Variants in ZC3H13 observed in about 807,000 individuals in gnomAD.
The protein encoded by ZC3H13 is zinc finger CCCH-type containing 13.
Under a neutral mutation model 204.1 loss-of-function variants are expected in ZC3H13, and 64 were observed. That is an observed-to-expected ratio of 0.31 (90% CI 0.26 to 0.39). ZC3H13 has a LOEUF of 0.39. Among genes scored for constraint, ZC3H13 ranks in the 10% least tolerant of loss-of-function variants. The pLI is 1.00. For synonymous variants in ZC3H13, 667 were observed against 693.7 expected (o/e 0.96, Z 0.60); for missense variants, 1,833 against 2,082.7 (o/e 0.88, Z 2.33).
chr13:45,963,739 T>G (rs923454204), intron 17 of ZC3H13, 103 bp downstream of exon 17: 2 of 1,519,916 alleles, frequency 1.3e-6, no homozygotes, highest in African/African-American at 2.8e-5. Flanking sequence ...AAAAATAGTT[T>G]CTACACAGTG....
intron 8 of ZC3H13, among the ~76,000 whole-genome samples, chr13:45,993,396 C>A (rs1593579085): frequency 6.6e-6 from 1 of 152,042 alleles, no homozygotes; most frequent in Non-Finnish European, 1.5e-5. Flanking sequence ...TATATTTGAG[C>A]CAAGTGCTGA....
chr13:45,979,960 T>C lies in ZC3H13; in HGVS notation c.1765A>G (p.Asn589Asp). 1 of 1,611,242 alleles carries C rather than the reference T, an allele frequency of 6.2e-7. No homozygotes were observed. The highest frequency in any genetic ancestry group is 8.5e-7 in the Non-Finnish European group (1 of 1,178,810). ...RGSQIDSHSS[N>D]SNYHDSWETR... ...TCCCAGCTGTCATGATAGTTGCTAT[T>C]ACTACTGTGACTATCAATTTGAGAA... Residue 589 changes from asparagine (N) to aspartate (D), a missense_variant, in exon 11 of 19, where the codon AAT becomes GAT. Transcript: ENST00000679008.
intron 1 of ZC3H13, among the ~76,000 whole-genome samples, chr13:46,047,298 A>G (rs1457825585): frequency 6.6e-6 from 1 of 152,194 alleles, no homozygotes; most frequent in Non-Finnish European, 1.5e-5. Context: ...ATAAAATGTA[A>G]TAATTCTTTT....
Position 46,052,651 on chromosome 13 carries a change from A to G in ZC3H13, c.-257T>C, listed in dbSNP as rs2044568943. ...AAGCGAAACTGGGTCGCAGGAAGAA[A>G]AATAACGAAGAGATTGTAGATTAAG... is the stretch of plus-strand genomic sequence containing the variant. On this transcript the variant is annotated 5_prime_UTR_variant, in exon 1 of 19. Transcript: ENST00000679008. 1 of 398,784 alleles carries G rather than the reference A, an allele frequency of 2.5e-6. No homozygotes were observed. Among genetic ancestry groups the G allele is most frequent in the East Asian group, 3.6e-5 (1 of 28,070 alleles). The allele number at this position is 398,784 out of a possible 1,614,324, so 24.7% of individuals were successfully genotyped here.
chr13:46,010,493 C>G lies in ZC3H13; in HGVS notation c.601G>C (p.Val201Leu). ...IIIKKEVSPE[V>L]VRSKLSPSPS... ...GACGGGGACAATTTTGATCTAACCA[C>G]TTCTGGTGAAACCTTTAAAAAAATT... The change falls in exon 7 of 19, where the codon GTG becomes CTG. Residue 201 changes from valine to leucine, a missense_variant. Coordinates refer to ENST00000679008, the MANE Select transcript of ZC3H13 (RefSeq NM_001330564.2). 5 of 1,610,980 alleles carry G rather than the reference C, an allele frequency of 3.1e-6. No homozygotes were observed. The highest frequency in any genetic ancestry group is 4.2e-6 in the Non-Finnish European group (5 of 1,177,652).
chr13:46,046,155 G>T (rs538352379), intron 1 of ZC3H13, among the ~76,000 whole-genome samples: 9 of 152,170 alleles, frequency 5.9e-5, no homozygotes, highest in Non-Finnish European at 1.2e-4. Context: ...AATGTTGATA[G>T]AAACAACTTT....
chr13:45,959,515 C>A lies in ZC3H13; in HGVS notation c.4807G>T (p.Ala1603Ser). The A allele has an allele frequency of 6.5e-7, 1 of 1,542,800 alleles. No homozygotes were observed. The highest frequency in any genetic ancestry group is 8.7e-7 in the Non-Finnish European group (1 of 1,144,096). ...TTTTTAACAAGCTGCTTTCGAATTG[C>A]AGAATCCCGTCTGAAGCACAACGCC... ...CKALCFRRDS[A>S]IRKQLVKNEK... Residue 1603 changes from alanine to serine, a missense_variant, in exon 18 of 19, where the codon GCA becomes TCA. By Grantham distance (99) the Ala-to-Ser change is moderately conservative. Transcript: ENST00000679008.
At chr13:45,972,776 T>A (rs1952693141) in intron 12 of ZC3H13, among the ~76,000 whole-genome samples, 1 of 152,184 alleles carries the variant, frequency 6.6e-6, no homozygotes, top group Admixed American at 6.5e-5. Context: ...TGACTTGCTA[T>A]GACAAGAGAA....
Position 45,989,082 on chromosome 13 carries a change from T to A in ZC3H13, c.960A>T (p.Ala320=). The A allele has an allele frequency of 6.2e-7, 1 of 1,613,476 alleles. No homozygotes were observed. The highest frequency in any genetic ancestry group is 1.7e-4 in the Middle Eastern group (1 of 6,058). ...AAGATATAGGAGAATGATGCTGTCCTGCTGGGGAAGTAGACCTACAAGGGA... is the reference window on the plus strand; with the variant it reads ...AAGATATAGGAGAATGATGCTGTCCAGCTGGGGAAGTAGACCTACAAGGGA... ...KRDKPRSTSP[A]GQHHSPISSR... is the part of the protein sequence containing the mutation. Residue 320 remains alanine (A), a synonymous_variant, in exon 9 of 19, where the codon GCA becomes GCT. Transcript: ENST00000679008.
chr13:45,989,580 T>C (rs1183551177), intron 8 of ZC3H13, among the ~76,000 whole-genome samples: 4 of 152,062 alleles, frequency 2.6e-5, no homozygotes, highest in Admixed American at 2.0e-4. Flanking sequence ...GCTGCATGGG[T>C]TGACATTTAG....
chr13:45,962,208 A>G, intron 17 of ZC3H13: 1 of 985,432 alleles, frequency 1.0e-6, no homozygotes, highest in South Asian at 4.7e-5. Context: ...TCTTTATTCA[A>G]GATAATACAT....
At chr13:46,019,688 T>C (rs1002131096) in intron 5 of ZC3H13, among the ~76,000 whole-genome samples, 1 of 152,098 alleles carries the variant, frequency 6.6e-6, no homozygotes, top group Non-Finnish European at 1.5e-5. Flanking sequence ...AAAAATGATT[T>C]TGCTCCCACC....
chr13:46,009,124 C>CTTA, intron 7 of ZC3H13, among the ~76,000 whole-genome samples: 1 of 151,982 alleles, frequency 6.6e-6, no homozygotes, highest in East Asian at 1.9e-4. Context: ...GGGAACAGAA[C>CTTA]TTATGTTCCA....
In ZC3H13 at chr13:45,989,077, T is replaced by C. The variant is rs1036542855; in HGVS notation, c.965A>G (p.Gln322Arg). 2.0e-5 allele frequency: 33 copies of C among 1,613,548 alleles called. No individual in the cohort carries two copies. The highest frequency in any genetic ancestry group is 8.3e-5 in the Admixed American group (5 of 60,002). The change falls in exon 9 of 19, where the codon CAG (glutamine) becomes CGG (arginine). Residue 322 changes from glutamine (Q) to arginine (R), a missense_variant. Physicochemically the swap from Gln to Arg is conservative, Grantham distance 43 (BLOSUM62 1). This residue lies in a region of ZC3H13 where 1,574 missense variants were observed against 1,757.2 expected (regional missense o/e 0.90). Coordinates refer to ENST00000679008, the MANE Select transcript of ZC3H13 (RefSeq NM_001330564.2). ...TCTAGAAGATATAGGAGAATGATGC[T>C]GTCCTGCTGGGGAAGTAGACCTACA... is the stretch of plus-strand genomic sequence containing the variant. ...DKPRSTSPAGQHHSPISSRHH... is the reference protein window; with the variant it reads ...DKPRSTSPAGRHHSPISSRHH...
chr13:46,052,341 T>G (rs1369248667), intron 1 of ZC3H13, 63 bp downstream of exon 1: 1 of 391,544 alleles, frequency 2.6e-6, no homozygotes, highest in African/African-American at 2.1e-5. Flanking sequence ...AACCCGGGCC[T>G]CCGCATTACG....
chr13:46,016,797 ACAAGACTATAAG>A (rs1047546464), intron 5 of ZC3H13, among the ~76,000 whole-genome samples: 1 of 152,178 alleles, frequency 6.6e-6, no homozygotes, highest in African/African-American at 2.4e-5. Flanking sequence ...TAATTAGGAG[ACAAGACTATAAG>A]CAAGGGATGG....
At chr13:46,022,607 T>G (rs6561282) in intron 4 of ZC3H13, among the ~76,000 whole-genome samples, 34,235 of 151,906 alleles carry the variant, frequency 0.23, 4,654 homozygotes, top group South Asian at 0.32. Flanking sequence ...AACCTACTGA[T>G]TACTATGTGT....
chr13:45,993,514 A>T (rs2040114156), intron 8 of ZC3H13, among the ~76,000 whole-genome samples: 1 of 152,222 alleles, frequency 6.6e-6, no homozygotes, highest in South Asian at 2.1e-4. Context: ...ATGAGAGAAC[A>T]GAGTCTCATG....
intron 17 of ZC3H13, chr13:45,963,334 G>T (rs1951826669): frequency 1.0e-6 from 1 of 986,304 alleles, no homozygotes; most frequent in Non-Finnish European, 1.2e-6. Context: ...CTTTAGACAT[G>T]AAAAATATGT....
Sources: gnomAD v4.1 joint callset for allele counts (sites outside exome capture counted in the v4.1 genomes callset) on GRCh38, gnomAD v4.1.1 for gene constraint, gnomAD v4.1.1 regional missense constraint, MANE v1.5 for transcripts, NCBI Gene and HGNC (gene_info 2026-07-23, HGNC 2026-07-21) for gene names.